Variants in C14orf132 observed in about 807,000 individuals in gnomAD.
The protein encoded by C14orf132 is chromosome 14 open reading frame 132, also known as uncharacterized protein C14orf132.
C14orf132 carries 6 observed loss-of-function variants against 5.8 expected under a neutral mutation model. The observed-to-expected ratio is 1.03, with a 90% confidence interval of 0.57 to 2.04. The LOEUF is 2.04. C14orf132 is among the 30% of genes most tolerant of loss of function. C14orf132 has a pLI of 0.00. For missense variants in C14orf132, 125 were observed against 115.8 expected, an observed-to-expected ratio of 1.08 and a Z score of -0.37; for synonymous variants, 51 against 49.8, an observed-to-expected ratio of 1.02 and a Z score of -0.10.
At chr14:96,068,527 G>A (rs1312370928) in intron 1 of C14orf132, among the ~76,000 whole-genome samples, 4 of 152,126 alleles carry the variant, frequency 2.6e-5, no homozygotes, top group Non-Finnish European at 5.9e-5. Context: ...GAGTAGAAAA[G>A]GATTTCTCAC....
chr14:96,044,801 C>T lies in C14orf132; in HGVS notation c.27+5274C>T, dbSNP rs538024718. Among the ~76,000 whole-genome samples the T allele has an allele frequency of 1.6e-4, 24 of 152,328 alleles. No individual in the cohort carries two copies. The South Asian group carries it at 5.0e-3, about 32-fold the overall frequency. On this transcript the variant is annotated intron_variant, in intron 1 of 1. Coordinates refer to ENST00000555004, the MANE Select transcript of C14orf132 (RefSeq NM_001252507.3). ...ATTCTCCCAGTGTGTCTCTCTGAGTCTCTTCTCATCTTATGAGGACACCAG... is the reference window on the plus strand; with the variant it reads ...ATTCTCCCAGTGTGTCTCTCTGAGTTTCTTCTCATCTTATGAGGACACCAG...
chr14:96,079,801 T>C (rs1039565968), intron 1 of C14orf132, among the ~76,000 whole-genome samples: 4 of 152,192 alleles, frequency 2.6e-5, no homozygotes, highest in African/African-American at 9.6e-5. Context: ...TGGTGTGTTC[T>C]GAAGAGACAA....
chr14:96,067,634 G>T (rs1595181060), intron 1 of C14orf132, among the ~76,000 whole-genome samples: 1 of 151,914 alleles, frequency 6.6e-6, no homozygotes, highest in Non-Finnish European at 1.5e-5. Flanking sequence ...AGGAGGCAGA[G>T]GTTGCTGTGA....
intron 1 of C14orf132, among the ~76,000 whole-genome samples, chr14:96,068,131 T>C (rs1302721402): frequency 6.6e-6 from 1 of 152,220 alleles, no homozygotes; most frequent in Non-Finnish European, 1.5e-5. Context: ...CAAGTACTGA[T>C]ACCCAGTAGC....
intron 1 of C14orf132, among the ~76,000 whole-genome samples, chr14:96,047,894 A>G (rs977497947): frequency 2.6e-5 from 4 of 152,212 alleles, no homozygotes; most frequent in Non-Finnish European, 5.9e-5. Flanking sequence ...ACACATCAGA[A>G]TCCTCCAAAG....
rs1037013800 is a variant in C14orf132, at chr14:96,046,103, T to C, written c.27+6576T>C. On this transcript the variant is annotated intron_variant, in intron 1 of 1. Transcript: ENST00000555004. ...CCCCCAAGAAAGAGTGTTCCAGCAG[T>C]TCCAGGTAGAAGCTGCAGGCTTCGT... 4.6e-5 allele frequency among the ~76,000 whole-genome samples: 7 copies of C among 152,252 alleles called. No individual in the cohort carries two copies. The East Asian group carries it at 9.6e-4, about 21-fold the overall frequency.
chr14:96,043,770 G>A (rs1264531418), intron 1 of C14orf132, among the ~76,000 whole-genome samples: 1 of 152,136 alleles, frequency 6.6e-6, no homozygotes, highest in Admixed American at 6.5e-5. Context: ...GTCACCCTTA[G>A]GCCATTAAAA....
Position 96,058,649 on chromosome 14 carries a change from C to T in C14orf132, c.27+19122C>T, listed in dbSNP as rs4243712. Among the ~76,000 whole-genome samples, 96 of 152,266 alleles carry T rather than the reference C, an allele frequency of 6.3e-4. No individual in the cohort carries two copies. The East Asian group carries it at 0.011, about 17-fold the overall frequency. On this transcript the variant is annotated intron_variant, in intron 1 of 1. Transcript: ENST00000555004. ...TAAAAGTGATGTTGGAAAATGCATC[C>T]ACGAGTCTGTGCCCTCAAGCAGAAA...
chr14:96,041,694 T>A (rs1886697951), intron 1 of C14orf132, among the ~76,000 whole-genome samples: 2 of 152,222 alleles, frequency 1.3e-5, no homozygotes, highest in South Asian at 4.1e-4. Flanking sequence ...TGTGTGACAG[T>A]CACTGTCTCT....
intron 1 of C14orf132, among the ~76,000 whole-genome samples, chr14:96,052,867 A>G (rs1168275646): frequency 6.6e-6 from 1 of 152,168 alleles, no homozygotes; most frequent in East Asian, 1.9e-4. Flanking sequence ...CAGTTGACTC[A>G]GGAGGAGAGT....
In C14orf132 at chr14:96,093,928, G is replaced by A. The variant is rs1888499926; in HGVS notation, c.*7193G>A. ...GGTTCTCATCTGTGCTTTATGCAAA[G>A]GAGATGATCTACTCAGCTTTAAATG... On this transcript the variant is annotated 3_prime_UTR_variant, in exon 2 of 2. Transcript: ENST00000555004. 1 of 152,146 alleles carries A rather than the reference G, an allele frequency of 6.6e-6. No individual in the cohort carries two copies. Among genetic ancestry groups the A allele is most frequent in the Non-Finnish European group, 1.5e-5 (1 of 68,028 alleles). 9.4% of individuals were successfully genotyped at this position (152,146 alleles called of 1,614,324 possible).
chr14:96,043,535 A>G (rs1452054872), intron 1 of C14orf132, among the ~76,000 whole-genome samples: 2 of 152,134 alleles, frequency 1.3e-5, no homozygotes, highest in African/African-American at 2.4e-5. Flanking sequence ...TGTTGTTGCC[A>G]TTAGAATCAC....
At chr14:96,049,359 G>C (rs1052386168) in intron 1 of C14orf132, among the ~76,000 whole-genome samples, 31 of 148,442 alleles carry the variant, frequency 2.1e-4, no homozygotes, top group Non-Finnish European at 4.0e-4. Flanking sequence ...TTATTTTTTT[G>C]AGACAGAGTC....
intron 1 of C14orf132, among the ~76,000 whole-genome samples, chr14:96,068,763 C>G (rs1233675424): frequency 6.6e-6 from 1 of 152,106 alleles, no homozygotes; most frequent in Non-Finnish European, 1.5e-5. Context: ...GTGCTGAGCA[C>G]CAGAGGACCG....
chr14:96,060,537 C>A (rs1403893739), intron 1 of C14orf132, among the ~76,000 whole-genome samples: 1 of 152,172 alleles, frequency 6.6e-6, no homozygotes, highest in Admixed American at 6.5e-5. Context: ...ATCCTCTGCA[C>A]CCTCATTCTC....
At chr14:96,070,474 T>C (rs938308476) in intron 1 of C14orf132, among the ~76,000 whole-genome samples, 1 of 152,130 alleles carries the variant, frequency 6.6e-6, no homozygotes, top group Non-Finnish European at 1.5e-5. Flanking sequence ...GCCAGGTTTG[T>C]AGAAATGCAA....
Position 96,092,300 on chromosome 14 carries a change from C to T in C14orf132, c.*5565C>T, listed in dbSNP as rs1888434905. On this transcript the variant is annotated 3_prime_UTR_variant, in exon 2 of 2. Transcript: ENST00000555004. ...GCCTGCCCGGATGGCTCCATCCAGA[C>T]ATTTGGCAAGGCTGTCATCTGCTCT... The T allele has an allele frequency of 6.6e-6, 1 of 152,222 alleles. No individual in the cohort carries two copies. Among genetic ancestry groups the T allele is most frequent in the African/African-American group, 2.4e-5 (1 of 41,460 alleles). The allele number at this position is 152,222 out of a possible 1,614,324, so 9.4% of individuals were successfully genotyped here. A position where few individuals can be genotyped will look rare whatever the true frequency, so the allele number is the denominator to read the frequency against.
chr14:96,064,711 C>G (rs60988005), intron 1 of C14orf132, among the ~76,000 whole-genome samples: 3 of 151,900 alleles, frequency 2.0e-5, no homozygotes, highest in Non-Finnish European at 4.4e-5. Context: ...ACTACAAATA[C>G]GGTGCAGTGT....
rs1888184877 is a variant in C14orf132 at position 96,086,375 on chromosome 14, G to A, written c.28-136G>A. 2.0e-5 allele frequency: 15 copies of A among 736,908 alleles called. No individual in the cohort carries two copies. In the East Asian group the frequency reaches 4.1e-4, roughly 20 times the overall value. The allele number at this position is 736,908 out of a possible 1,614,324, so 45.6% of individuals were successfully genotyped here. On this transcript the variant is annotated intron_variant, in intron 1 of 1. Transcript: ENST00000555004. ...TACCATCAATGATAAAACCACAAAA[G>A]CAAAGCCCCATTTTGCAGGTGCAGT... is the stretch of plus-strand genomic sequence containing the variant.
Sources: allele counts gnomAD v4.1 joint callset (sites outside exome capture counted in the v4.1 genomes callset), GRCh38; gene constraint gnomAD v4.1.1; transcripts MANE v1.5; gene names NCBI Gene and HGNC (gene_info 2026-07-23, HGNC 2026-07-21).